SPIDR: variants seen among roughly 807,000 people sequenced by gnomAD.
SPIDR encodes the protein scaffold protein involved in DNA repair.
SPIDR carries 93 observed loss-of-function variants against 104.6 expected under a neutral mutation model. The ratio of observed to expected loss-of-function variants is 0.89; its 90% CI spans 0.75 to 1.06. The LOEUF (loss-of-function observed/expected upper bound fraction) is 1.06. SPIDR is among the 50% of genes least tolerant of loss of function. The pLI, the probability that SPIDR is intolerant of heterozygous loss-of-function variation, is 0.00. For missense variants in SPIDR, 1,154 were observed against 1,111.2 expected, an observed-to-expected ratio of 1.04 and a Z score of -0.55; for synonymous variants, 431 against 416.9, an observed-to-expected ratio of 1.03 and a Z score of -0.41.
intron 7 of SPIDR, among the ~76,000 whole-genome samples, chr8:47,439,853 C>G (rs1240564339): frequency 6.6e-6 from 1 of 152,118 alleles, no homozygotes; most frequent in Non-Finnish European, 1.5e-5. Flanking sequence ...AACTGTTAGC[C>G]TTTCTGATCA....
chr8:47,614,007 G>A (rs1386363355), intron 10 of SPIDR, among the ~76,000 whole-genome samples: 4 of 152,028 alleles, frequency 2.6e-5, no homozygotes, highest in Non-Finnish European at 2.9e-5. Flanking sequence ...TTATCCTGAG[G>A]CTCTCCCTTT....
intron 5 of SPIDR, among the ~76,000 whole-genome samples, chr8:47,328,714 GTC>G (rs1554602352): frequency 6.6e-6 from 1 of 152,074 alleles, no homozygotes; most frequent in African/African-American, 2.4e-5. Flanking sequence ...CTGCATGACA[GTC>G]TCTACCTTTG....
At chr8:47,505,644 G>C (rs12549996) in intron 8 of SPIDR, among the ~76,000 whole-genome samples, 68,020 of 151,926 alleles carry the variant, frequency 0.45, 18,713 homozygotes, top group East Asian at 0.66. Flanking sequence ...CCCACTTTCC[G>C]ATACTCCCCA....
chr8:47,425,417 A>T (rs537480814), intron 7 of SPIDR, among the ~76,000 whole-genome samples: 11 of 152,250 alleles, frequency 7.2e-5, no homozygotes, highest in African/African-American at 2.6e-4. Context: ...GAAAATCGGG[A>T]CAGGTTAGTA....
chr8:47,435,773 T>C (rs563347784), intron 7 of SPIDR, among the ~76,000 whole-genome samples: 21 of 152,348 alleles, frequency 1.4e-4, no homozygotes, highest in African/African-American at 4.8e-4. Context: ...GTCTGTGCGT[T>C]TTAAACAAGC....
At chr8:47,596,972 A>C (rs1240756506) in intron 9 of SPIDR, among the ~76,000 whole-genome samples, 1 of 152,204 alleles carries the variant, frequency 6.6e-6, no homozygotes, top group African/African-American at 2.4e-5. Context: ...GAATGTGTTG[A>C]GGGACAGTAA....
chr8:47,484,528 T>C (rs1316462577), intron 8 of SPIDR, among the ~76,000 whole-genome samples: 5 of 152,178 alleles, frequency 3.3e-5, no homozygotes, highest in African/African-American at 1.2e-4. Context: ...GTGACACTGG[T>C]CCCTTATCCT....
intron 8 of SPIDR, among the ~76,000 whole-genome samples, chr8:47,539,558 A>G (rs2087687516): frequency 1.3e-5 from 2 of 152,148 alleles, no homozygotes. Flanking sequence ...CAAGCATTTC[A>G]TATGTCCTTT....
intron 5 of SPIDR, among the ~76,000 whole-genome samples, chr8:47,379,742 T>TA (rs1169915836): frequency 1.3e-5 from 2 of 152,152 alleles, no homozygotes; most frequent in African/African-American, 4.8e-5. Flanking sequence ...TGTTTAACTT[T>TA]ATTCACCTGA....
At chr8:47,504,464 G>T (rs570223261) in intron 8 of SPIDR, among the ~76,000 whole-genome samples, 1 of 151,994 alleles carries the variant, frequency 6.6e-6, no homozygotes, top group South Asian at 2.1e-4. Context: ...CATAGTTCTC[G>T]TGCCTTGGTT....
intron 19 of SPIDR, among the ~76,000 whole-genome samples, chr8:47,730,040 G>T (rs771198816): frequency 2.0e-5 from 3 of 152,148 alleles, no homozygotes; most frequent in Admixed American, 6.5e-5. Flanking sequence ...TTTGATTACA[G>T]CACCACAGTC....
chr8:47,308,420 G>A (rs1236451020), intron 5 of SPIDR, among the ~76,000 whole-genome samples: 1 of 149,610 alleles, frequency 6.7e-6, no homozygotes, highest in East Asian at 2.0e-4. Flanking sequence ...TATTGTTTGA[G>A]GCTTGTCTGT....
chr8:47,549,172 A>T (rs1008837480), intron 8 of SPIDR, among the ~76,000 whole-genome samples: 1 of 152,178 alleles, frequency 6.6e-6, no homozygotes, highest in Non-Finnish European at 1.5e-5. Flanking sequence ...TCTATCATTG[A>T]TGGACATTTG....
At chr8:47,726,691 G>A (rs888727209) in intron 16 of SPIDR, among the ~76,000 whole-genome samples, 8 of 152,290 alleles carry the variant, frequency 5.3e-5, no homozygotes, top group East Asian at 3.9e-4. Flanking sequence ...TTTGACACAC[G>A]TCTCAGGTGT....
chr8:47,296,915 T>C (rs993754749), intron 5 of SPIDR, among the ~76,000 whole-genome samples: 1 of 152,216 alleles, frequency 6.6e-6, no homozygotes, highest in Non-Finnish European at 1.5e-5. Context: ...ATATCTTTCA[T>C]CAGTGTTTTG....
chr8:47,713,212 C>T, intron 15 of SPIDR: 1 of 601,156 alleles, frequency 1.7e-6, no homozygotes, highest in East Asian at 3.0e-5. Context: ...AAACTAAAAT[C>T]CTGCCTCAGC....
intron 8 of SPIDR, among the ~76,000 whole-genome samples, chr8:47,539,564 C>G (rs2087689035): frequency 6.6e-6 from 1 of 151,958 alleles, no homozygotes. Flanking sequence ...TTTCATATGT[C>G]CTTTTTGGTG....
At chr8:47,342,271 C>T (rs1554614582) in intron 5 of SPIDR, among the ~76,000 whole-genome samples, 1 of 148,058 alleles carries the variant, frequency 6.8e-6, no homozygotes, top group African/African-American at 2.5e-5. Flanking sequence ...CATGGGAACA[C>T]AAGGCAGATT....
intron 5 of SPIDR, among the ~76,000 whole-genome samples, chr8:47,334,695 T>C (rs573409785): frequency 2.0e-5 from 3 of 152,334 alleles, no homozygotes; most frequent in African/African-American, 7.2e-5. Context: ...AGTTGGCTCT[T>C]GTTTTTTATT....
Sources: gnomAD v4.1 joint callset for allele counts (sites outside exome capture counted in the v4.1 genomes callset) on GRCh38, gnomAD v4.1.1 for gene constraint, MANE v1.5 for transcripts, NCBI Gene and HGNC (gene_info 2026-07-23, HGNC 2026-07-21) for gene names.